The following SAP130 variants were observed in gnomAD, a reference collection of about 807,000 sequenced individuals.
SAP130 encodes Sin3A associated protein 130.
Under a neutral mutation model 103.2 loss-of-function variants are expected in SAP130, and 16 were observed. The observed-to-expected ratio is 0.16, with a 90% CI of 0.10 to 0.24. The LOEUF (loss-of-function observed/expected upper bound fraction) is 0.24, where lower values mean the gene tolerates loss of function less well. Ranked by LOEUF, SAP130 falls within the 10% of genes least tolerant of loss-of-function variation. SAP130 has a pLI of 1.00. For missense variants in SAP130, 990 were observed against 1,359.7 expected, an observed-to-expected ratio of 0.73 and a Z score of 4.28; for synonymous variants, 477 against 497.0, an observed-to-expected ratio of 0.96 and a Z score of 0.53.
intron 12 of SAP130, among the ~76,000 whole-genome samples, chr2:127,990,250 G>A (rs79714576): frequency 0.013 from 1,990 of 152,068 alleles, 26 homozygotes; most frequent in Admixed American, 0.022. Flanking sequence ...ATCACAGGTG[G>A]TTTTGAAATA....
chr2:127,979,660 G>T (rs1312294529), intron 14 of SAP130, among the ~76,000 whole-genome samples: 1 of 152,096 alleles, frequency 6.6e-6, no homozygotes, highest in Non-Finnish European at 1.5e-5. Context: ...CTGGCTATTT[G>T]ATATTAAGGG....
intron 14 of SAP130, among the ~76,000 whole-genome samples, chr2:127,983,106 C>T (rs1559067125): frequency 6.6e-6 from 1 of 152,088 alleles, no homozygotes; most frequent in Non-Finnish European, 1.5e-5. Flanking sequence ...TCCACTATCA[C>T]TAAAAAGTGC....
chr2:127,970,957 CTT>C (rs879518027), intron 15 of SAP130, among the ~76,000 whole-genome samples: 1 of 144,982 alleles, frequency 6.9e-6, no homozygotes, highest in Non-Finnish European at 1.5e-5. Flanking sequence ...ATCTTTCTCT[CTT>C]TTTTTTTTTT....
intron 15 of SAP130, among the ~76,000 whole-genome samples, chr2:127,957,278 G>C (rs984877969): frequency 6.6e-6 from 1 of 152,108 alleles, no homozygotes; most frequent in African/African-American, 2.4e-5. Context: ...ACTCCAGCCT[G>C]GGCAACAGAG....
chr2:127,950,822 G>A (rs1189650035), intron 16 of SAP130, among the ~76,000 whole-genome samples: 3 of 152,184 alleles, frequency 2.0e-5, no homozygotes, highest in African/African-American at 7.2e-5. Context: ...TGCAGCATCA[G>A]CAGCTGTCCT....
At chr2:127,979,425 C>T (rs971331023) in intron 14 of SAP130, among the ~76,000 whole-genome samples, 2 of 151,972 alleles carry the variant, frequency 1.3e-5, no homozygotes, top group Non-Finnish European at 2.9e-5. Flanking sequence ...ATTGGGGATG[C>T]CATCAACAAA....
chr2:128,026,121 T>C (rs528321676), intron 2 of SAP130, 60 bp downstream of exon 2: 1 of 1,160,592 alleles, frequency 8.6e-7, no homozygotes, highest in African/African-American at 1.6e-5. Context: ...ATTTTTAAGT[T>C]AGAAAACTGG....
chr2:127,954,081 A>G (rs1679670786), intron 16 of SAP130, among the ~76,000 whole-genome samples: 1 of 152,210 alleles, frequency 6.6e-6, no homozygotes, highest in Non-Finnish European at 1.5e-5. Flanking sequence ...AAAGGGAACC[A>G]GCGAAAAAGA....
intron 15 of SAP130, among the ~76,000 whole-genome samples, chr2:127,975,474 C>A (rs531960569): frequency 2.6e-5 from 4 of 152,270 alleles, no homozygotes; most frequent in Non-Finnish European, 5.9e-5. Context: ...GGTAAAGTAG[C>A]TTTAATATAA....
rs1284158877 is a variant in SAP130, at chr2:127,986,553, G to A, written c.1958+232C>T. Among the ~76,000 whole-genome samples, 1 of 152,232 alleles carries A rather than the reference G, an allele frequency of 6.6e-6. No individual in the cohort carries two copies. Among genetic ancestry groups the A allele is most frequent in the East Asian group, 1.9e-4 (1 of 5,198 alleles). On this transcript the variant is annotated intron_variant, in intron 14 of 20. Coordinates refer to ENST00000643581, the MANE Select transcript of SAP130 (RefSeq NM_001330301.2). This position sits in a 1 kb window ranked among gnomAD's most constrained non-coding sequence, Gnocchi z 4.7. ...GAGAGAATTAAAGCAGTATGCAACA[G>A]ATGCTTACAAACTAACACCTCACTG... is the stretch of plus-strand genomic sequence containing the variant.
intron 15 of SAP130, among the ~76,000 whole-genome samples, chr2:127,973,965 CAGG>C (rs1681274416): frequency 2.0e-5 from 3 of 152,194 alleles, no homozygotes; most frequent in Middle Eastern, 3.4e-3. Context: ...CCTAACTACT[CAGG>C]AGGTTAAGGT....
intron 18 of SAP130, among the ~76,000 whole-genome samples, chr2:127,948,009 T>C (rs2438038): frequency 0.99 from 150,995 of 152,246 alleles, 74,881 homozygotes; most frequent in East Asian, 1. Flanking sequence ...AAGCTGGTCT[T>C]GAACTCCTGA....
intron 14 of SAP130, among the ~76,000 whole-genome samples, chr2:127,984,459 C>T (rs1559068534): frequency 2.0e-5 from 3 of 152,108 alleles, no homozygotes; most frequent in Admixed American, 6.5e-5. Context: ...GATTAAGAGT[C>T]GGGGAGAGGG....
At chr2:127,945,322 C>T (rs1238611221) in intron 19 of SAP130, 134 bp downstream of exon 19, 1 of 616,482 alleles carries the variant, frequency 1.6e-6, no homozygotes, top group African/African-American at 1.8e-5. Context: ...ACATAGCACA[C>T]ATAAAAATTC....
rs533388141 is a variant in SAP130 at position 128,003,666 on chromosome 2, G to A, written c.870-3212C>T. Among the ~76,000 whole-genome samples the A allele has an allele frequency of 4.6e-5, 7 of 152,072 alleles. No homozygotes were observed. In the South Asian group the frequency reaches 8.3e-4, roughly 18 times the overall value. ...CAGGTCCATAGTGACTCACCCACAC[G>A]TACCAAAAACAGTCAGAGGGAGTAA... On this transcript the variant is annotated intron_variant, in intron 7 of 20. Transcript: ENST00000643581.
chr2:127,945,714 A>G (rs1367952629), intron 18 of SAP130, among the ~76,000 whole-genome samples, 155 bp from the exon 19 acceptor site: 1 of 152,092 alleles, frequency 6.6e-6, no homozygotes, highest in Non-Finnish European at 1.5e-5. Flanking sequence ...GTGCAGTGGT[A>G]CAATCTCAGG....
At chr2:127,943,932 A>G (rs1678881373) in intron 19 of SAP130, among the ~76,000 whole-genome samples, 1 of 152,240 alleles carries the variant, frequency 6.6e-6, no homozygotes, top group Non-Finnish European at 1.5e-5. Flanking sequence ...ACTCCTTTGC[A>G]ATAAAACTTA....
chr2:127,945,587 G>C (rs1391852085), intron 18 of SAP130, 28 bp from the exon 19 acceptor site: 2 of 1,274,530 alleles, frequency 1.6e-6, no homozygotes, highest in Non-Finnish European at 2.3e-6. Flanking sequence ...AAAAATACAT[G>C]TATTTCAGTG....
Position 127,993,266 on chromosome 2 carries a change from G to A in SAP130, c.1398C>T (p.Tyr466=). The part of the protein sequence containing the change: ...PVQFQYFLPT[Y]PPSAYPLAAH... ...CCGCCAGTGGGTATGCAGAAGGGGG[G>A]TAAGTTGGCAAAAAATATTGGAACT... The change falls in exon 12 of 21, where the codon TAC becomes TAT. Residue 466 remains tyrosine (Y), a synonymous_variant. Coordinates refer to ENST00000643581, the MANE Select transcript of SAP130 (RefSeq NM_001330301.2). 6.2e-7 allele frequency: 1 copy of A among 1,613,824 alleles called. No individual in the cohort carries two copies. The highest frequency in any genetic ancestry group is 8.5e-7 in the Non-Finnish European group (1 of 1,179,890).
Sources: allele counts gnomAD v4.1 joint callset (sites outside exome capture counted in the v4.1 genomes callset), GRCh38; gene constraint gnomAD v4.1.1; non-coding constraint Gnocchi (gnomAD v3.1); transcripts MANE v1.5; gene names NCBI Gene and HGNC (gene_info 2026-07-23, HGNC 2026-07-21).